The following GRAMD1C variants were observed in gnomAD, a reference collection of about 807,000 sequenced individuals.
GRAMD1C encodes the protein protein Aster-C.
In GRAMD1C, 89 loss-of-function variants were observed where a neutral mutation model predicts 97.8. The observed-to-expected ratio is 0.91, with a 90% CI of 0.77 to 1.09. GRAMD1C has a LOEUF of 1.09. Ranked by LOEUF, GRAMD1C falls within the 50% of genes least tolerant of loss-of-function variation. GRAMD1C has a pLI of 0.00. For missense variants in GRAMD1C, 740 were observed against 766.4 expected (o/e 0.97, Z 0.41); for synonymous variants, 256 against 267.0 (o/e 0.96, Z 0.40).
chr3:113,850,181 TA>T, intron 2 of GRAMD1C: 1 of 451,954 alleles, frequency 2.2e-6, no homozygotes, highest in Non-Finnish European at 4.3e-6. Context: ...TGTATATACT[TA>T]CTTTTTTTTT....
Position 113,946,377 on chromosome 3 carries a change from G to A in GRAMD1C, c.*899G>A, listed in dbSNP as rs77062529. The A allele has an allele frequency of 0.068, 10,430 of 152,484 alleles. 522 individuals carry two copies. Among genetic ancestry groups the A allele is most frequent in the Non-Finnish European group, 0.1 (7,030 of 67,990 alleles). The allele number at this position is 152,484 out of a possible 1,614,324, so 9.4% of individuals were successfully genotyped here. On this transcript the variant is annotated 3_prime_UTR_variant, in exon 18 of 18. Coordinates refer to ENST00000358160, the MANE Select transcript of GRAMD1C (RefSeq NM_017577.5). The stretch of plus-strand genomic sequence containing the variant: ...TTTATGTATGTGTGTGACTTGTTTT[G>A]ATTGGTAAGTTATAAGCCAGACATA...
intron 9 of GRAMD1C, among the ~76,000 whole-genome samples, chr3:113,909,909 GT>G (rs11361938): frequency 0.65 from 99,209 of 152,020 alleles, 32,435 homozygotes; most frequent in East Asian, 0.71. Flanking sequence ...AATGGGATGA[GT>G]TTTTTGAAAG....
In GRAMD1C at chr3:113,887,085, G is replaced by GTTTTTTTTTTTTTTTT. The variant is rs531763397; in HGVS notation, c.540+4263_540+4264insTTTTTTTTTTTTTTTT. 2.8e-5 allele frequency among the ~76,000 whole-genome samples: 2 copies of GTTTTTTTTTTTTTTTT among 71,454 alleles called. 1 individual carries two copies. Among genetic ancestry groups the GTTTTTTTTTTTTTTTT allele is most frequent in the Non-Finnish European group, 5.8e-5 (2 of 34,604 alleles). 46.9% of individuals were successfully genotyped at this position (71,454 alleles called of 152,430 possible). A position where few individuals can be genotyped will look rare whatever the true frequency, so the allele number is the denominator to read the frequency against. On this transcript the variant is annotated intron_variant, in intron 6 of 17. Transcript: ENST00000358160. The stretch of plus-strand genomic sequence containing the variant: ...ATGAGCCACTGCGCCTGGCCTTTTT[G>GTTTTTTTTTTTTTTTT]TTTTTTTTTTGTTTTTTTTTTTTTT...
chr3:113,877,952 G>T (rs1935111490), intron 5 of GRAMD1C, among the ~76,000 whole-genome samples: 1 of 151,990 alleles, frequency 6.6e-6, no homozygotes, highest in Non-Finnish European at 1.5e-5. Flanking sequence ...TTATCTTTTT[G>T]TATTTTTAGT....
chr3:113,842,473 G>C (rs188718368), intron 1 of GRAMD1C, among the ~76,000 whole-genome samples: 1 of 152,086 alleles, frequency 6.6e-6, no homozygotes, highest in African/African-American at 2.4e-5. Context: ...TTGTTTTGCT[G>C]TTGTATGTTT....
At position 113,933,515 on chromosome 3, in the gene GRAMD1C, T is replaced by C. The variant is rs759146803; in HGVS notation, c.1214T>C (p.Leu405Pro). Residue 405 changes from leucine to proline, a missense_variant, in exon 12 of 18, where the codon CTG (leucine) becomes CCG (proline). Transcript: ENST00000358160. ...TTTTTTATCTTACTTTGGCAGACAC[T>C]GTATAAAGAAAGTCGGGAAGCACGA... ...KCTAATEKQT[L>P]YKESREARFY... The C allele has an allele frequency of 1.9e-6, 3 of 1,608,824 alleles. No homozygotes were observed. Among genetic ancestry groups the C allele is most frequent in the Non-Finnish European group, 2.6e-6 (3 of 1,175,342 alleles).
Position 113,875,412 on chromosome 3 carries a change from G to T in GRAMD1C, c.260-72G>T. ...AAAAAGTGATGACTTTCCATCTGTT[G>T]AAATATAGTATAAGGTCTATTAATT... On this transcript the variant is annotated intron_variant, in intron 3 of 17. Transcript: ENST00000358160. 7 of 726,836 alleles carry T rather than the reference G, an allele frequency of 9.6e-6. No individual in the cohort carries two copies. In the South Asian group the frequency reaches 1.1e-4, roughly 11 times the overall value. 45.0% of individuals were successfully genotyped at this position (726,836 alleles called of 1,614,324 possible). A position where few individuals can be genotyped will look rare whatever the true frequency, so the allele number is the denominator to read the frequency against.
At chr3:113,841,285 C>CTTTCTTTTT (rs1553714128) in intron 1 of GRAMD1C, among the ~76,000 whole-genome samples, 4 of 94,338 alleles carry the variant, frequency 4.2e-5, no homozygotes, top group Non-Finnish European at 4.0e-5. Context: ...TTCTTTCTTT[C>CTTTCTTTTT]TTTTTTTTTT....
intron 9 of GRAMD1C, chr3:113,913,060 ATTC>A: frequency 8.6e-7 from 1 of 1,165,440 alleles, no homozygotes; most frequent in Non-Finnish European, 1.1e-6. Context: ...TGTCCTTACC[ATTC>A]TTGCTTTAGT....
chr3:113,842,558 G>A (rs558814728), intron 1 of GRAMD1C, among the ~76,000 whole-genome samples: 1 of 152,140 alleles, frequency 6.6e-6, no homozygotes, highest in South Asian at 2.1e-4. Context: ...AGGTGGAGGA[G>A]GTCTTCTCTA....
chr3:113,884,711 C>T (rs1054615285), intron 6 of GRAMD1C, among the ~76,000 whole-genome samples: 1 of 151,806 alleles, frequency 6.6e-6, no homozygotes, highest in Non-Finnish European at 1.5e-5. Context: ...TGGTGGCGGG[C>T]ACCTGTAGTC....
In GRAMD1C at chr3:113,865,293, C is replaced by G. The variant is rs550596931; in HGVS notation, c.175-4214C>G. Among the ~76,000 whole-genome samples, 3 of 152,294 alleles carry G rather than the reference C, an allele frequency of 2.0e-5. No individual in the cohort carries two copies. The South Asian group carries it at 6.2e-4, about 32-fold the overall frequency. ...TTCCTACCACCTCTCAATACCATTA[C>G]ATTGAGGACCAAGCTGCAACATGAG... On this transcript the variant is annotated intron_variant, in intron 2 of 17. Transcript: ENST00000358160.
At position 113,906,347 on chromosome 3, in the gene GRAMD1C, G is replaced by A. The variant is rs576462506; in HGVS notation, c.789+2075G>A. Among the ~76,000 whole-genome samples the A allele has an allele frequency of 2.2e-4, 34 of 152,168 alleles. 2 individuals are homozygous for A. The highest frequency in any genetic ancestry group is 6.5e-4 in the African/African-American group (27 of 41,518). On this transcript the variant is annotated intron_variant, in intron 8 of 17. Coordinates refer to ENST00000358160, the MANE Select transcript of GRAMD1C (RefSeq NM_017577.5). ...TATTCTCCCTGACGACCTTCTAGTC[G>A]TACAAAATGTGAAGGTGGAAGCAGT...
rs1559833429 is a variant in GRAMD1C at position 113,946,581 on chromosome 3, TA to T, written c.*1104del. 6.6e-6 allele frequency: 1 copy of T among 152,246 alleles called. No individual in the cohort carries two copies. Among genetic ancestry groups the T allele is most frequent in the Admixed American group, 6.5e-5 (1 of 15,288 alleles). The allele number at this position is 152,246 out of a possible 1,614,324, so 9.4% of individuals were successfully genotyped here. Reference sequence around the variant, plus strand: ...CTTTGTAAACTGACTTAAAATCAGATATTTTTTCAAGAGTTAGGGAAAGTTG... The same window carrying T: ...CTTTGTAAACTGACTTAAAATCAGATTTTTTTCAAGAGTTAGGGAAAGTTG... On this transcript the variant is annotated 3_prime_UTR_variant, in exon 18 of 18. Coordinates refer to ENST00000358160, the MANE Select transcript of GRAMD1C (RefSeq NM_017577.5).
intron 6 of GRAMD1C, among the ~76,000 whole-genome samples, chr3:113,895,670 A>G (rs1291610445): frequency 6.6e-6 from 1 of 152,200 alleles, no homozygotes; most frequent in Non-Finnish European, 1.5e-5. Context: ...ATGGCAGTAT[A>G]GAAGTGTTTG....
chr3:113,919,284 G>A (rs13069842), intron 10 of GRAMD1C: 71,020 of 457,506 alleles, frequency 0.16, 6,330 homozygotes, highest in South Asian at 0.22. Flanking sequence ...TAATGATGGA[G>A]AAGCCAGGAA....
chr3:113,924,843 G>A (rs1937181130), intron 10 of GRAMD1C, among the ~76,000 whole-genome samples: 1 of 152,160 alleles, frequency 6.6e-6, no homozygotes, highest in Non-Finnish European at 1.5e-5. Context: ...TTGACTCAGT[G>A]ATCTGTCTAA....
chr3:113,834,006 T>C (rs753581872), upstream of GRAMD1C, among the ~76,000 whole-genome samples: 2 of 152,216 alleles, frequency 1.3e-5, no homozygotes, highest in Non-Finnish European at 2.9e-5. Flanking sequence ...TTGATGATGA[T>C]TTGTTTTCAA....
intron 8 of GRAMD1C, 111 bp downstream of exon 8, chr3:113,904,383 T>C: frequency 1.3e-6 from 1 of 763,266 alleles, no homozygotes; most frequent in South Asian, 2.1e-5. Flanking sequence ...GATATCAGAC[T>C]CCTACCTTAT....
Sources: allele counts gnomAD v4.1 joint callset (sites outside exome capture counted in the v4.1 genomes callset), GRCh38; gene constraint gnomAD v4.1.1; transcripts MANE v1.5; gene names NCBI Gene and HGNC (gene_info 2026-07-23, HGNC 2026-07-21).